The following IPO11 variants were observed in gnomAD, a reference collection of about 807,000 sequenced individuals.
IPO11 encodes importin 11, also known as importin-11.
Under a neutral mutation model 143.2 loss-of-function variants are expected in IPO11, and 66 were observed. That is an observed-to-expected ratio of 0.46 (90% CI 0.38 to 0.57). The LOEUF (loss-of-function observed/expected upper bound fraction) is 0.57, where lower values mean the gene tolerates loss of function less well. Ranked by LOEUF, IPO11 falls within the 20% of genes least tolerant of loss-of-function variation. IPO11 has a pLI of 0.00. For synonymous variants in IPO11, 385 were observed against 377.8 expected (o/e 1.02, Z -0.22); for missense variants, 1,026 against 1,141.0 (o/e 0.90, Z 1.45).
At chr5:62,528,543 G>C (rs764664213) in intron 21 of IPO11, among the ~76,000 whole-genome samples, 9 of 151,966 alleles carry the variant, frequency 5.9e-5, no homozygotes, top group Non-Finnish European at 1.0e-4. Context: ...AAATGAAGGA[G>C]GCAAAAAGGG....
chr5:62,452,648 T>G (rs1744975658), intron 5 of IPO11, among the ~76,000 whole-genome samples: 1 of 142,538 alleles, frequency 7.0e-6, no homozygotes. Flanking sequence ...GCACCTTTTT[T>G]TTGGTTTTGG....
In IPO11 at chr5:62,455,578, T is replaced by C. The variant is rs115399926; in HGVS notation, c.516+3645T>C. 7.2e-3 allele frequency among the ~76,000 whole-genome samples: 1,101 copies of C among 152,242 alleles called. 12 individuals carry two copies. Among genetic ancestry groups the C allele is most frequent in the African/African-American group, 0.025 (1,033 of 41,550 alleles). ...AGCTGGTTGCTATAGCAAAGTGTAG[T>C]GCACAGGGTACACTTAAAATTGCTA... On this transcript the variant is annotated intron_variant, in intron 5 of 29. Transcript: ENST00000325324.
At chr5:62,517,748 A>T (rs1233178832) in intron 20 of IPO11, among the ~76,000 whole-genome samples, 1 of 152,172 alleles carries the variant, frequency 6.6e-6, no homozygotes, top group Non-Finnish European at 1.5e-5. Context: ...TGTGAGAGAC[A>T]TGTAACTAAA....
chr5:62,481,863 G>T (rs931884412), intron 9 of IPO11, among the ~76,000 whole-genome samples: 1 of 152,170 alleles, frequency 6.6e-6, no homozygotes, highest in Non-Finnish European at 1.5e-5. Flanking sequence ...CAGAAGGAAT[G>T]GTACCAGCTC....
At chr5:62,429,170 C>T (rs1336753598) in intron 1 of IPO11, among the ~76,000 whole-genome samples, 1 of 152,216 alleles carries the variant, frequency 6.6e-6, no homozygotes, top group Middle Eastern at 3.4e-3. Flanking sequence ...CTCCACATTT[C>T]CCCCCAATTC....
intron 29 of IPO11, among the ~76,000 whole-genome samples, chr5:62,606,821 G>GTA (rs1157217919): frequency 6.6e-6 from 1 of 152,234 alleles, no homozygotes; most frequent in Non-Finnish European, 1.5e-5. Flanking sequence ...TCAAGTATGT[G>GTA]TAGACTGCAG....
At chr5:62,559,262 A>C (rs1464743125) in intron 26 of IPO11, among the ~76,000 whole-genome samples, 3 of 152,282 alleles carry the variant, frequency 2.0e-5, no homozygotes, top group East Asian at 3.9e-4. Flanking sequence ...CAGAAATTCT[A>C]CTGAAGACTG....
At chr5:62,474,336 G>A (rs373781717) in intron 7 of IPO11, 80 bp from the exon 8 acceptor site, 1 of 846,718 alleles carries the variant, frequency 1.2e-6, no homozygotes. Context: ...TGATAGATTT[G>A]TTTTGGTATC....
In IPO11 at chr5:62,587,604, CT is replaced by C. The variant is rs545115093; in HGVS notation, c.2583-3970del. On this transcript the variant is annotated intron_variant, in intron 27 of 29. Transcript: ENST00000325324. ...GTTATAATACATTCTTTAAAAAGTTCTTTGGTATCTTTAACAATTTTTAAGA... is the reference window on the plus strand; with the variant it reads ...GTTATAATACATTCTTTAAAAAGTTCTTGGTATCTTTAACAATTTTTAAGA... 7.9e-5 allele frequency among the ~76,000 whole-genome samples: 12 copies of C among 151,976 alleles called. No individual in the cohort carries two copies. The South Asian group carries it at 2.3e-3, about 29-fold the overall frequency.
chr5:62,414,340 T>G (rs1034178148), intron 1 of IPO11, among the ~76,000 whole-genome samples: 2 of 152,198 alleles, frequency 1.3e-5, no homozygotes, highest in Non-Finnish European at 2.9e-5. Flanking sequence ...TATTCAAATT[T>G]TGGGTAAGGT....
At chr5:62,585,300 C>T (rs980422885) in intron 27 of IPO11, among the ~76,000 whole-genome samples, 4 of 152,180 alleles carry the variant, frequency 2.6e-5, no homozygotes, top group African/African-American at 9.6e-5. Flanking sequence ...TTACCTGCTT[C>T]TCATCTATGA....
At chr5:62,435,315 A>G (rs995883221) in intron 1 of IPO11, among the ~76,000 whole-genome samples, 3 of 150,486 alleles carry the variant, frequency 2.0e-5, no homozygotes, top group Admixed American at 6.7e-5. Flanking sequence ...AAAATGTAAA[A>G]TTAGGCCAGA....
intron 22 of IPO11, 145 bp downstream of exon 22, chr5:62,530,930 A>G (rs1289716187): frequency 3.1e-6 from 2 of 641,274 alleles, no homozygotes; most frequent in Non-Finnish European, 5.6e-6. Context: ...CGTTTGTTAC[A>G]TGGATATATT....
chr5:62,514,592 G>A (rs1741931696), intron 19 of IPO11, among the ~76,000 whole-genome samples: 1 of 139,106 alleles, frequency 7.2e-6, no homozygotes, highest in Admixed American at 7.1e-5. Flanking sequence ...GAAAGGAGAG[G>A]GAGAGGGAGA....
At chr5:62,621,352 C>G (rs1033720480) in intron 29 of IPO11, among the ~76,000 whole-genome samples, 2 of 152,152 alleles carry the variant, frequency 1.3e-5, no homozygotes, top group Non-Finnish European at 2.9e-5. Flanking sequence ...AAAAACTCAG[C>G]AAAGTGACAG....
At chr5:62,420,781 A>C (rs1015147388) in intron 1 of IPO11, among the ~76,000 whole-genome samples, 19 of 152,092 alleles carry the variant, frequency 1.2e-4, no homozygotes, top group Middle Eastern at 3.4e-3. Flanking sequence ...GGGTTTCTCC[A>C]TGTTGCCCAG....
At chr5:62,449,814 C>G (rs1744845807) in intron 3 of IPO11, 113 bp from the exon 4 acceptor site, 1 of 593,248 alleles carries the variant, frequency 1.7e-6, no homozygotes, top group Admixed American at 3.4e-5. Context: ...TTACAAAAAC[C>G]AATCAGAGAC....
intron 1 of IPO11, among the ~76,000 whole-genome samples, chr5:62,420,291 C>CAAAA (rs1187591087): frequency 2.9e-5 from 2 of 68,940 alleles, no homozygotes; most frequent in African/African-American, 1.0e-4. Context: ...AGCTCCGTCT[C>CAAAA]AAAAAAAAAA....
At position 62,426,155 on chromosome 5, in the gene IPO11, G is replaced by A. The variant is rs140805838; in HGVS notation, c.-6-11119G>A. 5.8e-4 allele frequency among the ~76,000 whole-genome samples: 89 copies of A among 152,298 alleles called. 1 individual carries two copies. The East Asian group carries it at 0.014, about 24-fold the overall frequency. The stretch of plus-strand genomic sequence containing the variant: ...TAATCCCAGCACTTTGGGAGGCCAA[G>A]GCGGGTGGATCACCTGAGGTCAGGA... On this transcript the variant is annotated intron_variant, in intron 1 of 29. Coordinates refer to ENST00000325324, the MANE Select transcript of IPO11 (RefSeq NM_016338.5).
Sources: allele counts gnomAD v4.1 joint callset (sites outside exome capture counted in the v4.1 genomes callset), GRCh38; gene constraint gnomAD v4.1.1; transcripts MANE v1.5; gene names NCBI Gene and HGNC (gene_info 2026-07-23, HGNC 2026-07-21).